Variants in LATS1 observed in about 807,000 individuals in gnomAD.
LATS1 encodes serine/threonine-protein kinase LATS1.
LATS1 carries 25 observed loss-of-function variants against 106.6 expected under a neutral mutation model. That is an observed-to-expected ratio of 0.23 (90% CI 0.17 to 0.33). The LOEUF is 0.33. LATS1 is among the 10% of genes least tolerant of loss of function. LATS1 has a pLI of 1.00. For missense variants in LATS1, 1,040 were observed against 1,382.6 expected, an observed-to-expected ratio of 0.75 and a Z score of 3.93; for synonymous variants, 465 against 455.6, an observed-to-expected ratio of 1.02 and a Z score of -0.26.
chr6:149,685,590 T>G (rs954712101), intron 3 of LATS1, among the ~76,000 whole-genome samples: 3 of 152,160 alleles, frequency 2.0e-5, no homozygotes, highest in African/African-American at 7.2e-5. Flanking sequence ...TTCGCCATGT[T>G]AGCGAGGCTG....
intron 2 of LATS1, among the ~76,000 whole-genome samples, chr6:149,696,791 C>CA (rs1275591551): frequency 6.6e-6 from 1 of 151,954 alleles, no homozygotes; most frequent in Non-Finnish European, 1.5e-5. Context: ...ATGAAAAAAA[C>CA]AGAGGATTTG....
In LATS1 at chr6:149,711,389, C is replaced by T. The variant is rs566517548; in HGVS notation, c.-141+6460G>A. On this transcript the variant is annotated intron_variant, in intron 1 of 7. Transcript: ENST00000543571. ...GAAACCTCATCTCTACTAAAAAATA[C>T]AAAAATTAGCTGGGCGTGGTGGCAT... Among the ~76,000 whole-genome samples, 84 of 152,014 alleles carry T rather than the reference C, an allele frequency of 5.5e-4. 1 individual carries two copies. Among genetic ancestry groups the T allele is most frequent in the Non-Finnish European group, 1.1e-3 (74 of 67,964 alleles).
At chr6:149,689,636 C>G (rs1424210048) in intron 3 of LATS1, among the ~76,000 whole-genome samples, 1 of 152,144 alleles carries the variant, frequency 6.6e-6, no homozygotes, top group East Asian at 1.9e-4. Context: ...TCTATAGTCT[C>G]CACTATTGCC....
intron 3 of LATS1, among the ~76,000 whole-genome samples, chr6:149,686,209 C>A (rs1782366841): frequency 6.6e-6 from 1 of 152,202 alleles, no homozygotes; most frequent in African/African-American, 2.4e-5. Context: ...TCCCTTTCAT[C>A]TAGGCTGGAC....
chr6:149,701,451 C>T (rs114253914), intron 2 of LATS1, among the ~76,000 whole-genome samples: 4 of 152,176 alleles, frequency 2.6e-5, no homozygotes, highest in Non-Finnish European at 5.9e-5. Flanking sequence ...GTTCACCAAG[C>T]TTGTATTTCA....
intron 7 of LATS1, among the ~76,000 whole-genome samples, chr6:149,662,757 G>A (rs536568688): frequency 6.6e-5 from 10 of 151,988 alleles, no homozygotes; most frequent in Admixed American, 6.6e-4. Flanking sequence ...AAGCCGGGAA[G>A]GTTCAAGACA....
Position 149,662,032 on chromosome 6 carries a change from G to A in LATS1, c.3090C>T (p.Ile1030=). 1 of 1,614,176 alleles carries A rather than the reference G, an allele frequency of 6.2e-7. No homozygotes were observed. Among genetic ancestry groups the A allele is most frequent in the Non-Finnish European group, 8.5e-7 (1 of 1,180,018 alleles). Residue 1030 remains isoleucine, a synonymous_variant, in exon 8 of 8, where the codon ATC becomes ATT. Coordinates refer to ENST00000543571, the MANE Select transcript of LATS1 (RefSeq NM_004690.4). ...AATTTGATGTATCTGTTGGGTGTGT[G>A]ATTTTAGGAATGTATGAAGCAGACT... is the stretch of plus-strand genomic sequence containing the variant. ...RQQSASYIPK[I]THPTDTSNFD...
intron 1 of LATS1, among the ~76,000 whole-genome samples, chr6:149,714,238 C>T (rs940814204): frequency 2.0e-5 from 3 of 152,148 alleles, no homozygotes; most frequent in African/African-American, 7.2e-5. Context: ...TCCCAAAGTG[C>T]TGGGATTACA....
intron 7 of LATS1, among the ~76,000 whole-genome samples, chr6:149,674,414 C>T (rs543815920): frequency 3.7e-4 from 56 of 152,138 alleles, no homozygotes; most frequent in African/African-American, 9.9e-4. Flanking sequence ...CTCACTCTGT[C>T]ACCTAGGCTG....
At chr6:149,664,657 A>G (rs1781048338) in intron 7 of LATS1, among the ~76,000 whole-genome samples, 1 of 152,220 alleles carries the variant, frequency 6.6e-6, no homozygotes, top group Non-Finnish European at 1.5e-5. Flanking sequence ...AAAGTAAATA[A>G]TAACAGGTAG....
Position 149,684,109 on chromosome 6 carries a change from C to T in LATS1, c.980G>A (p.Arg327Lys). 1 of 1,614,188 alleles carries T rather than the reference C, an allele frequency of 6.2e-7. No homozygotes were observed. The highest frequency in any genetic ancestry group is 8.5e-7 in the Non-Finnish European group (1 of 1,180,028). The change falls in exon 4 of 8, where the codon AGA becomes AAA. Residue 327 changes from arginine to lysine, a missense_variant. This residue lies in a region of LATS1 where 624 missense variants were observed against 714.8 expected (regional missense o/e 0.87). Coordinates refer to ENST00000543571, the MANE Select transcript of LATS1 (RefSeq NM_004690.4). ...QRGISSVPVG[R>K]QPIIMQSSSK... Reference sequence around the variant, plus strand: ...AGAACTCTGCATGATGATTGGTTGTCTGCCAACAGGAACAGAACTAATGCC... The same window carrying T: ...AGAACTCTGCATGATGATTGGTTGTTTGCCAACAGGAACAGAACTAATGCC...
At chr6:149,667,438 CAAAAAAAAA>C (rs1189854950) in intron 7 of LATS1, among the ~76,000 whole-genome samples, 1 of 33,972 alleles carries the variant, frequency 2.9e-5, no homozygotes, top group Non-Finnish European at 5.0e-5. Flanking sequence ...GACTGTATCT[CAAAAAAAAA>C]AAAAAAAAAA....
In LATS1 at chr6:149,658,869, A is replaced by C. The variant is rs528659706; in HGVS notation, c.*2860T>G. ...AGAACACATCTTATAAATACTATTG[A>C]TATGCATAAAAAGGGTAAGTATAAT... On this transcript the variant is annotated 3_prime_UTR_variant, in exon 8 of 8. Coordinates refer to ENST00000543571, the MANE Select transcript of LATS1 (RefSeq NM_004690.4). 10 of 152,344 alleles carry C rather than the reference A, an allele frequency of 6.6e-5. No homozygotes were observed. Among genetic ancestry groups the C allele is most frequent in the African/African-American group, 2.4e-4 (10 of 41,586 alleles). The allele number at this position is 152,344 out of a possible 1,614,324, so 9.4% of individuals were successfully genotyped here.
chr6:149,670,267 A>G (rs138893304), intron 7 of LATS1, among the ~76,000 whole-genome samples: 2,410 of 151,734 alleles, frequency 0.016, 105 homozygotes, highest in African/African-American at 0.055. Context: ...ACAAACAAAA[A>G]CCATACAAAG....
intron 7 of LATS1, among the ~76,000 whole-genome samples, chr6:149,663,704 C>G (rs1234403826): frequency 6.6e-6 from 1 of 151,698 alleles, no homozygotes; most frequent in Admixed American, 6.6e-5. Flanking sequence ...TTTTAAAAAC[C>G]CTTTTTGGAA....
chr6:149,699,082 G>T, intron 2 of LATS1, among the ~76,000 whole-genome samples: 1 of 148,108 alleles, frequency 6.8e-6, no homozygotes, highest in Non-Finnish European at 1.5e-5. Flanking sequence ...GCACTATCTT[G>T]AACTTGGCAT....
intron 5 of LATS1, among the ~76,000 whole-genome samples, chr6:149,677,358 G>A (rs1397900198): frequency 6.6e-6 from 1 of 152,180 alleles, no homozygotes; most frequent in Non-Finnish European, 1.5e-5. Context: ...AACAGCAACA[G>A]AGAGAAGACC....
At position 149,680,263 on chromosome 6, in the gene LATS1, A is replaced by G. The variant is rs201543142; in HGVS notation, c.2205T>C (p.Thr735=). The change falls in exon 5 of 8, where the codon ACT becomes ACC. Residue 735 remains threonine, a synonymous_variant. Transcript: ENST00000543571. ...GAAGAAGAACATCTTTCTTTCGAAGAGTTTTTGTTGCATACAAAGCCTTAG... is the reference window on the plus strand; with the variant it reads ...GAAGAAGAACATCTTTCTTTCGAAGGGTTTTTGTTGCATACAAAGCCTTAG... ...VDTKALYATK[T]LRKKDVLLRN... 3.7e-5 allele frequency: 59 copies of G among 1,613,860 alleles called. No homozygotes were observed. Among genetic ancestry groups the G allele is most frequent in the Non-Finnish European group, 4.8e-5 (57 of 1,180,010 alleles).
At chr6:149,686,586 A>G (rs1384438566) in intron 3 of LATS1, among the ~76,000 whole-genome samples, 1 of 152,066 alleles carries the variant, frequency 6.6e-6, no homozygotes, top group Admixed American at 6.6e-5. Context: ...TGCTGATACT[A>G]CTTTCCTTTC....
Sources: gnomAD v4.1 joint callset for allele counts (sites outside exome capture counted in the v4.1 genomes callset) on GRCh38, gnomAD v4.1.1 for gene constraint, gnomAD v4.1.1 regional missense constraint, MANE v1.5 for transcripts, NCBI Gene and HGNC (gene_info 2026-07-23, HGNC 2026-07-21) for gene names.